The following IMMT variants were observed in gnomAD, a reference collection of about 807,000 sequenced individuals.
IMMT encodes inner membrane mitochondrial protein, also known as MICOS complex subunit MIC60.
A neutral mutation model predicts 92.7 loss-of-function variants in IMMT; 40 were observed. The observed-to-expected ratio is 0.43, with a 90% CI of 0.34 to 0.56. IMMT has a LOEUF of 0.56. Ranked by LOEUF, IMMT falls within the 20% of genes least tolerant of loss-of-function variation. The pLI, the probability that IMMT is intolerant of heterozygous loss-of-function variation, is 0.03. For missense variants in IMMT, 831 were observed against 912.1 expected, an observed-to-expected ratio of 0.91 and a Z score of 1.14; for synonymous variants, 322 against 336.1, an observed-to-expected ratio of 0.96 and a Z score of 0.46.
chr2:86,166,541 G>A lies in IMMT; in HGVS notation c.759C>T (p.Ser253=). 6.2e-7 allele frequency: 1 copy of A among 1,612,734 alleles called. No homozygotes were observed. The highest frequency in any genetic ancestry group is 1.1e-5 in the South Asian group (1 of 91,000). ...TGTCCATGGCGGCTTTCAATATGTT[G>A]GAGTGTGCATTGACAGCCTGGACCG... ...NAAVQAVNAH[S]NILKAAMDNS... is the part of the protein sequence containing the mutation. Residue 253 remains serine (S), a synonymous_variant, in exon 7 of 15, where the codon TCC becomes TCT. Transcript: ENST00000410111.
chr2:86,170,674 C>CT (rs1677020251), intron 6 of IMMT, 75 bp downstream of exon 6: 1 of 980,502 alleles, frequency 1.0e-6, no homozygotes, highest in Non-Finnish European at 1.6e-6. Context: ...AGATGACAAA[C>CT]TTGTGCTGAT....
chr2:86,174,139 C>G (rs1353224838), intron 3 of IMMT, among the ~76,000 whole-genome samples: 1 of 152,144 alleles, frequency 6.6e-6, no homozygotes, highest in Non-Finnish European at 1.5e-5. Flanking sequence ...CAGTTAGAAG[C>G]AAATGATTAT....
chr2:86,167,256 C>G, intron 6 of IMMT, among the ~76,000 whole-genome samples: 1 of 144,852 alleles, frequency 6.9e-6, no homozygotes. Flanking sequence ...ACTGCAAGCT[C>G]CGCCTCCCGG....
intron 1 of IMMT, among the ~76,000 whole-genome samples, chr2:86,185,837 C>T (rs868805455): frequency 6.6e-6 from 1 of 152,028 alleles, no homozygotes; most frequent in Non-Finnish European, 1.5e-5. Flanking sequence ...ATTCTGGAAA[C>T]GGAAGAATAA....
At chr2:86,176,293 A>G (rs1481439175) in intron 3 of IMMT, among the ~76,000 whole-genome samples, 1 of 152,252 alleles carries the variant, frequency 6.6e-6, no homozygotes, top group Admixed American at 6.5e-5. Flanking sequence ...CTGGAAGTAC[A>G]TTAATAGGTG....
Position 86,184,105 on chromosome 2 carries a change from AT to A in IMMT, c.46-2734del, listed in dbSNP as rs141085376. 7.3e-3 allele frequency among the ~76,000 whole-genome samples: 1,106 copies of A among 151,268 alleles called. 27 individuals are homozygous for A. The East Asian group carries it at 0.1, about 14-fold the overall frequency. ...TTTCTCCAACACACTGTATTGTATC[AT>A]TTTTTTTTCATCATTGACAATCTGA... is the stretch of plus-strand genomic sequence containing the variant. On this transcript the variant is annotated intron_variant, in intron 1 of 14. Coordinates refer to ENST00000410111, the MANE Select transcript of IMMT (RefSeq NM_006839.3).
chr2:86,181,308 C>A lies in IMMT; in HGVS notation c.110G>T (p.Gly37Val), dbSNP rs187270312. 5 of 1,613,062 alleles carry A rather than the reference C, an allele frequency of 3.1e-6. No individual in the cohort carries two copies. The East Asian group carries it at 1.1e-4, about 36-fold the overall frequency. Residue 37 changes from glycine to valine, a missense_variant, in exon 2 of 15, where the codon GGC becomes GTC. By Grantham distance (109) the Gly-to-Val change is moderately radical. Transcript: ENST00000410111. ...GAGACATAATACATACCCAGAGCTG[C>A]CTGAAGTAGAGTATCTGCGGCATGG... ...LRPCRRYSTSGSSGLTTGKIA... is the reference protein window; with the variant it reads ...LRPCRRYSTSVSSGLTTGKIA...
chr2:86,181,712 T>G (rs1215439058), intron 1 of IMMT, among the ~76,000 whole-genome samples: 1 of 152,142 alleles, frequency 6.6e-6, no homozygotes, highest in Non-Finnish European at 1.5e-5. Flanking sequence ...AAAAAAAATC[T>G]ATTTTTACTT....
chr2:86,156,486 C>T (rs151000933), intron 10 of IMMT, among the ~76,000 whole-genome samples: 1 of 150,248 alleles, frequency 6.7e-6, no homozygotes, highest in African/African-American at 2.4e-5. Flanking sequence ...CCCAGCTACT[C>T]GGGAGGCTGT....
At chr2:86,146,374 TA>T (rs374894600) in intron 13 of IMMT, among the ~76,000 whole-genome samples, 177 bp from the exon 14 acceptor site, 4 of 102,948 alleles carry the variant, frequency 3.9e-5, no homozygotes, top group South Asian at 2.6e-4. Flanking sequence ...GTATATAATA[TA>T]TTTTTTTTTT....
intron 1 of IMMT, among the ~76,000 whole-genome samples, chr2:86,190,533 C>T (rs753052231): frequency 2.6e-5 from 4 of 152,166 alleles, no homozygotes; most frequent in Non-Finnish European, 5.9e-5. Flanking sequence ...TTCAAAAAGG[C>T]TGGGCCTGGT....
At chr2:86,156,593 CAA>C (rs57252871) in intron 10 of IMMT, among the ~76,000 whole-genome samples, 8 of 44,642 alleles carry the variant, frequency 1.8e-4, no homozygotes, top group Non-Finnish European at 2.4e-4. Context: ...GACTCCATCT[CAA>C]AAAAAAAAAA....
At position 86,144,560 on chromosome 2, in the gene IMMT, T is replaced by A. The variant is rs750869569; in HGVS notation, c.1985A>T (p.Tyr662Phe). The A allele has an allele frequency of 6.2e-7, 1 of 1,613,920 alleles. No individual in the cohort carries two copies. Among genetic ancestry groups the A allele is most frequent in the South Asian group, 1.1e-5 (1 of 91,078 alleles). Residue 662 changes from tyrosine to phenylalanine, a missense_variant, in exon 15 of 15, where the codon TAC becomes TTC. Coordinates refer to ENST00000410111, the MANE Select transcript of IMMT (RefSeq NM_006839.3). ...RNSLYQYFLSYLQSLLLFPPQ... is the reference protein window; with the variant it reads ...RNSLYQYFLSFLQSLLLFPPQ... ...TGGGAATAGGAGCAGGGACTGTAGG[T>A]AGGAGAGGAAGTACTGGTACAAGCT...
intron 10 of IMMT, 50 bp from the exon 11 acceptor site, chr2:86,153,624 T>C: frequency 8.3e-7 from 1 of 1,204,848 alleles, no homozygotes; most frequent in Non-Finnish European, 1.2e-6. Context: ...GCACATACTT[T>C]AGTTATTGAT....
intron 1 of IMMT, among the ~76,000 whole-genome samples, chr2:86,194,542 T>C (rs573391308): frequency 1.3e-5 from 2 of 152,326 alleles, no homozygotes; most frequent in East Asian, 3.9e-4. Context: ...TGGTTTGCTA[T>C]CTACATTTTG....
At chr2:86,161,796 G>A (rs995553586) in intron 8 of IMMT, among the ~76,000 whole-genome samples, 180 bp downstream of exon 8, 61 of 152,096 alleles carry the variant, frequency 4.0e-4, no homozygotes, top group Non-Finnish European at 6.8e-4. Flanking sequence ...TTACAGGTGT[G>A]AGCCACCGTG....
At position 86,144,445 on chromosome 2, in the gene IMMT, A is replaced by G. The variant is rs760671924; in HGVS notation, c.2100T>C (p.His700=). Residue 700 remains histidine, a synonymous_variant, in exon 15 of 15, where the codon CAT becomes CAC. Transcript: ENST00000410111. ...LLSYASYCIE[H]GDLELAAKFV... The stretch of plus-strand genomic sequence containing the variant: ...ACTTTGCTGCTAGCTCCAGATCACC[A>G]TGCTCAATGCAATAGGAAGCATATG... 3 of 1,613,932 alleles carry G rather than the reference A, an allele frequency of 1.9e-6. No individual in the cohort carries two copies. The Admixed American group carries it at 5.0e-5, about 27-fold the overall frequency.
intron 6 of IMMT, among the ~76,000 whole-genome samples, chr2:86,167,658 G>T (rs1194078636): frequency 6.7e-6 from 1 of 150,300 alleles, no homozygotes; most frequent in Non-Finnish European, 1.5e-5. Context: ...CTAATATTTT[G>T]TATTTTTAGC....
rs745647842 is a variant in IMMT at position 86,144,706 on chromosome 2, G to A, written c.1839C>T (p.Thr613=). 1.8e-5 allele frequency: 29 copies of A among 1,613,844 alleles called. No individual in the cohort carries two copies. The highest frequency in any genetic ancestry group is 3.3e-5 in the South Asian group (3 of 91,092). Residue 613 remains threonine (T), a synonymous_variant, in exon 15 of 15, where the codon ACC becomes ACT. Transcript: ENST00000410111. ...TCAGGGACTCTGGAGGGATAGCTGC[G>A]GTTAAAGCTTGGGTGAATTCATTAT... The part of the protein sequence containing the change: ...CSDNEFTQAL[T]AAIPPESLTR...
Sources: gnomAD v4.1 joint callset for allele counts (sites outside exome capture counted in the v4.1 genomes callset) on GRCh38, gnomAD v4.1.1 for gene constraint, MANE v1.5 for transcripts, NCBI Gene and HGNC (gene_info 2026-07-23, HGNC 2026-07-21) for gene names.